Variants in XKR4 observed in about 807,000 individuals in gnomAD.
XKR4 encodes XK-related protein 4.
XKR4 carries 12 observed loss-of-function variants against 53.9 expected under a neutral mutation model. The ratio of observed to expected loss-of-function variants is 0.22; its 90% CI spans 0.14 to 0.36. The LOEUF (loss-of-function observed/expected upper bound fraction) is 0.36, where lower values mean the gene tolerates loss of function less well. Ranked by LOEUF, XKR4 falls within the 10% of genes least tolerant of loss-of-function variation. XKR4 has a pLI of 1.00. For missense variants in XKR4, 799 were observed against 859.5 expected (o/e 0.93, Z 0.88); for synonymous variants, 354 against 362.4 (o/e 0.98, Z 0.26).
chr8:55,333,638 A>G (rs369509097), intron 1 of XKR4, among the ~76,000 whole-genome samples: 1 of 152,144 alleles, frequency 6.6e-6, no homozygotes, highest in Non-Finnish European at 1.5e-5. Context: ...TTGAGTTATA[A>G]CAATAGCCTC....
At chr8:55,343,521 A>T (rs1803588468) in intron 1 of XKR4, among the ~76,000 whole-genome samples, 1 of 152,172 alleles carries the variant, frequency 6.6e-6, no homozygotes, top group South Asian at 2.1e-4. Flanking sequence ...TTAGCTGCCC[A>T]CATGAAACAG....
In XKR4 at chr8:55,528,839, G is replaced by A. The variant is rs1806911548; in HGVS notation, c.*4612G>A. On this transcript the variant is annotated 3_prime_UTR_variant, in exon 3 of 3. Coordinates refer to ENST00000327381, the MANE Select transcript of XKR4 (RefSeq NM_052898.2). Reference sequence around the variant, plus strand: ...CACTCCTCCCACCTGATGCTCCAGTGTTTCAAAATGGCCAAGGATGGGCGA... The same window carrying A: ...CACTCCTCCCACCTGATGCTCCAGTATTTCAAAATGGCCAAGGATGGGCGA... 1 of 151,894 alleles carries A rather than the reference G, an allele frequency of 6.6e-6. No homozygotes were observed. Among genetic ancestry groups the A allele is most frequent in the South Asian group, 2.1e-4 (1 of 4,798 alleles). The allele number at this position is 151,894 out of a possible 1,614,324, so 9.4% of individuals were successfully genotyped here. A position where few individuals can be genotyped will look rare whatever the true frequency, so the allele number is the denominator to read the frequency against.
At chr8:55,191,335 G>A (rs1817442001) in intron 1 of XKR4, among the ~76,000 whole-genome samples, 1 of 152,036 alleles carries the variant, frequency 6.6e-6, no homozygotes, top group Non-Finnish European at 1.5e-5. Flanking sequence ...CCTTCTCTAT[G>A]GTAATAATAT....
At chr8:55,117,177 C>T (rs1221817019) in intron 1 of XKR4, among the ~76,000 whole-genome samples, 1 of 152,016 alleles carries the variant, frequency 6.6e-6, no homozygotes, top group Non-Finnish European at 1.5e-5. Flanking sequence ...TTATTCTATT[C>T]TATTGGACAT....
intron 1 of XKR4, among the ~76,000 whole-genome samples, chr8:55,105,732 T>A (rs73596948): frequency 0.022 from 3,329 of 152,254 alleles, 111 homozygotes; most frequent in African/African-American, 0.073. Flanking sequence ...CTAAGACTAA[T>A]CAGCATCATT....
chr8:55,251,971 A>G (rs992229174), intron 1 of XKR4, among the ~76,000 whole-genome samples: 2 of 152,238 alleles, frequency 1.3e-5, no homozygotes, highest in African/African-American at 4.8e-5. Context: ...TTCACAGCAT[A>G]TTATACTGAC....
At position 55,369,508 on chromosome 8, in the gene XKR4, G is replaced by A. The variant is rs1308559238; in HGVS notation, c.1006+11631G>A. Among the ~76,000 whole-genome samples, 3 of 110,060 alleles carry A rather than the reference G, an allele frequency of 2.7e-5. No homozygotes were observed. The East Asian group carries it at 8.7e-4, about 32-fold the overall frequency. 72.2% of individuals were successfully genotyped at this position (110,060 alleles called of 152,430 possible). A position where few individuals can be genotyped will look rare whatever the true frequency, so the allele number is the denominator to read the frequency against. On this transcript the variant is annotated intron_variant, in intron 2 of 2. Transcript: ENST00000327381. ...AGAGAGAGAAAGAAAAGAAAAGAAA[G>A]AAAAGGGAAGGAGAGGGAAGGAAGG...
chr8:55,234,679 G>T (rs1180506877), intron 1 of XKR4, among the ~76,000 whole-genome samples: 1 of 152,172 alleles, frequency 6.6e-6, no homozygotes, highest in Non-Finnish European at 1.5e-5. Context: ...ATTTTAATAG[G>T]CATTGTAATC....
rs1805347153 is a variant in XKR4 at position 55,446,395 on chromosome 8, G to T, written c.1007-76886G>T. 3.3e-5 allele frequency among the ~76,000 whole-genome samples: 5 copies of T among 152,006 alleles called. No homozygotes were observed. In the South Asian group the frequency reaches 1.0e-3, roughly 32 times the overall value. ...CTCACTTTGTAGCCCAAGCTAAATT[G>T]CAGTGGTGCAATCTCAGCTCACTGC... On this transcript the variant is annotated intron_variant, in intron 2 of 2. Transcript: ENST00000327381.
At chr8:55,133,350 G>A (rs1816583944) in intron 1 of XKR4, among the ~76,000 whole-genome samples, 1 of 152,182 alleles carries the variant, frequency 6.6e-6, no homozygotes, top group Non-Finnish European at 1.5e-5. Context: ...ACAGGAATGT[G>A]GATAAATAGG....
At chr8:55,289,711 A>AAG (rs1164914071) in intron 1 of XKR4, among the ~76,000 whole-genome samples, 2 of 104,676 alleles carry the variant, frequency 1.9e-5, no homozygotes, top group South Asian at 3.8e-4. Flanking sequence ...GAAAGAAAGA[A>AAG]AGAGAGAGAA....
At chr8:55,248,731 A>G (rs1341716195) in intron 1 of XKR4, among the ~76,000 whole-genome samples, 1 of 152,070 alleles carries the variant, frequency 6.6e-6, no homozygotes, top group Non-Finnish European at 1.5e-5. Context: ...TTCAAACTTA[A>G]TATTCTTTCA....
rs375827312 is a variant in XKR4 at position 55,435,152 on chromosome 8, G to T, written c.1006+77275G>T. ...CATGAATACAGCTTTTGTGTCAGCT[G>T]CTCAGGGCTTTCCAAAGCTGCATGC... On this transcript the variant is annotated intron_variant, in intron 2 of 2. Transcript: ENST00000327381. Among the ~76,000 whole-genome samples, 53 of 152,312 alleles carry T rather than the reference G, an allele frequency of 3.5e-4. No homozygotes were observed. The South Asian group carries it at 0.011, about 32-fold the overall frequency.
intron 1 of XKR4, among the ~76,000 whole-genome samples, chr8:55,328,050 T>C (rs533727445): frequency 5.9e-5 from 9 of 152,210 alleles, no homozygotes; most frequent in African/African-American, 1.9e-4. Flanking sequence ...GCATAATTTA[T>C]AAAGAAAGAG....
At chr8:55,172,441 G>T (rs1290327135) in intron 1 of XKR4, among the ~76,000 whole-genome samples, 1 of 152,056 alleles carries the variant, frequency 6.6e-6, no homozygotes, top group African/African-American at 2.4e-5. Flanking sequence ...GGTAAAAAAT[G>T]TTATATTTTC....
chr8:55,183,173 A>G (rs1817336821), intron 1 of XKR4, among the ~76,000 whole-genome samples: 1 of 151,778 alleles, frequency 6.6e-6, no homozygotes, highest in Non-Finnish European at 1.5e-5. Flanking sequence ...AATCAGCTTT[A>G]GCTTCATAGA....
intron 1 of XKR4, among the ~76,000 whole-genome samples, chr8:55,130,817 T>G (rs1816542897): frequency 6.6e-6 from 1 of 152,040 alleles, no homozygotes; most frequent in Admixed American, 6.6e-5. Context: ...CTGAACATAA[T>G]CTATTGACCT....
chr8:55,435,687 A>G (rs1805165884), intron 2 of XKR4, among the ~76,000 whole-genome samples: 1 of 16,086 alleles, frequency 6.2e-5, no homozygotes, highest in Admixed American at 8.9e-4. Flanking sequence ...CCCCTTCCTC[A>G]CCCTCCTGAA....
intron 1 of XKR4, among the ~76,000 whole-genome samples, chr8:55,320,647 C>A (rs1803195920): frequency 6.6e-6 from 1 of 152,084 alleles, no homozygotes; most frequent in Non-Finnish European, 1.5e-5. Flanking sequence ...GGAGCATATC[C>A]TTCTTTTTTC....
Sources: gnomAD v4.1 joint callset for allele counts (sites outside exome capture counted in the v4.1 genomes callset) on GRCh38, gnomAD v4.1.1 for gene constraint, MANE v1.5 for transcripts, NCBI Gene and HGNC (gene_info 2026-07-23, HGNC 2026-07-21) for gene names.